SCAI: variants seen among roughly 807,000 people sequenced by gnomAD.
The protein encoded by SCAI is suppressor of cancer cell invasion.
A neutral mutation model predicts 92.2 loss-of-function variants in SCAI; 24 were observed. The ratio of observed to expected loss-of-function variants is 0.26; its 90% confidence interval spans 0.19 to 0.37. The LOEUF is 0.37. Ranked by LOEUF, SCAI falls within the 10% of genes least tolerant of loss-of-function variation. SCAI has a pLI of 1.00. For synonymous variants in SCAI, 261 were observed against 258.6 expected (o/e 1.01, Z -0.09); for missense variants, 450 against 736.2 (o/e 0.61, Z 4.50).
At position 124,972,612 on chromosome 9, in the gene SCAI, T is replaced by C. The variant is rs140086202; in HGVS notation, c.1400-768A>G. Among the ~76,000 whole-genome samples, 693 of 152,362 alleles carry C rather than the reference T, an allele frequency of 4.5e-3. 5 individuals are homozygous for C. The highest frequency in any genetic ancestry group is 0.016 in the African/African-American group (664 of 41,588). The stretch of plus-strand genomic sequence containing the variant: ...TTTAAGTACTGCTGCTCTAGGCTAC[T>C]CTATTCAACCTAATTCTCAAAGGCA... On this transcript the variant is annotated intron_variant, in intron 15 of 17. Coordinates refer to ENST00000336505, the MANE Select transcript of SCAI (RefSeq NM_001144877.3).
intron 2 of SCAI, among the ~76,000 whole-genome samples, chr9:125,061,575 A>G (rs1833769540): frequency 6.6e-6 from 1 of 152,186 alleles, no homozygotes; most frequent in Admixed American, 6.5e-5. Flanking sequence ...CCTGGGCAAC[A>G]CAGTGAAACG....
chr9:125,143,053 C>T (rs1378478744), intron 1 of SCAI, among the ~76,000 whole-genome samples: 2 of 150,310 alleles, frequency 1.3e-5, no homozygotes, highest in Non-Finnish European at 3.0e-5. Flanking sequence ...CCGTGCACTG[C>T]CCCCTCCACG....
rs537971214 is a variant in SCAI, at chr9:124,989,972, C to T, written c.1326+4962G>A. 1.9e-4 allele frequency among the ~76,000 whole-genome samples: 27 copies of T among 145,552 alleles called. No individual in the cohort carries two copies. The East Asian group carries it at 4.7e-3, about 26-fold the overall frequency. On this transcript the variant is annotated intron_variant, in intron 14 of 17. Transcript: ENST00000336505. ...GGTGAATCATCTGAGCTCAGGAGTT[C>T]GAGACCAGCCTGACCAACATGGAGA...
At chr9:125,035,473 G>A (rs1303858445) in intron 3 of SCAI, among the ~76,000 whole-genome samples, 1 of 152,184 alleles carries the variant, frequency 6.6e-6, no homozygotes, top group African/African-American at 2.4e-5. Context: ...TCAATATGGT[G>A]TATGGATGGG....
chr9:125,142,828 T>C (rs1835700266), intron 1 of SCAI, 151 bp from the exon 2 acceptor site: 1 of 663,156 alleles, frequency 1.5e-6, no homozygotes, highest in Non-Finnish European at 2.7e-6. Context: ...CCTCATGCCC[T>C]GTTTCCCCTA....
chr9:125,080,227 A>G (rs543974562), intron 2 of SCAI, among the ~76,000 whole-genome samples: 2 of 152,160 alleles, frequency 1.3e-5, no homozygotes, highest in Non-Finnish European at 2.9e-5. Flanking sequence ...TGTCACCAGA[A>G]TTTAGAGATG....
At chr9:125,013,215 C>T (rs1331931950) in intron 9 of SCAI, among the ~76,000 whole-genome samples, 1 of 151,426 alleles carries the variant, frequency 6.6e-6, no homozygotes, top group African/African-American at 2.4e-5. Context: ...CACAAAAAAC[C>T]CTTCAAAAAA....
intron 6 of SCAI, among the ~76,000 whole-genome samples, chr9:125,026,514 G>T (rs957882063): frequency 4.6e-5 from 7 of 152,172 alleles, no homozygotes; most frequent in Non-Finnish European, 1.0e-4. Flanking sequence ...AATGTTATTA[G>T]CTAAGCCTTG....
rs1280623763 is a variant in SCAI at position 125,091,290 on chromosome 9, C to G, written c.99-35283G>C. Among the ~76,000 whole-genome samples, 1 of 152,204 alleles carries G rather than the reference C, an allele frequency of 6.6e-6. No individual in the cohort carries two copies. Among genetic ancestry groups the G allele is most frequent in the East Asian group, 1.9e-4 (1 of 5,192 alleles). ...TATTTTCTGAACCAGATTCTCCAGT[C>G]TTTCCATCCATGCTGTGAGGTACTT... On this transcript the variant is annotated intron_variant, in intron 2 of 17. Coordinates refer to ENST00000336505, the MANE Select transcript of SCAI (RefSeq NM_001144877.3). The surrounding 1 kb of genome is among the most constrained non-coding windows in gnomAD (Gnocchi z 4.3).
intron 13 of SCAI, among the ~76,000 whole-genome samples, chr9:124,998,608 AT>A (rs1456890504): frequency 3.9e-5 from 6 of 152,142 alleles, no homozygotes; most frequent in African/African-American, 1.4e-4. Flanking sequence ...ATAGTTAATA[AT>A]ATGTTATATA....
chr9:125,033,461 T>TTTA lies in SCAI; in HGVS notation c.231-3723_231-3722insTAA, dbSNP rs1181533189. On this transcript the variant is annotated intron_variant, in intron 3 of 17. Coordinates refer to ENST00000336505, the MANE Select transcript of SCAI (RefSeq NM_001144877.3). Reference sequence around the variant, plus strand: ...TTATGGGAACTAGTAGAAAATAAGGTATAACAACAACAACAACAACAACAA... The same window carrying TTTA: ...TTATGGGAACTAGTAGAAAATAAGGTTTAATAACAACAACAACAACAACAACAA... Among the ~76,000 whole-genome samples the TTTA allele has an allele frequency of 6.6e-5, 10 of 150,500 alleles. No individual in the cohort carries two copies. In the East Asian group the frequency reaches 9.9e-4, roughly 15 times the overall value.
chr9:125,058,451 G>A (rs1002162378), intron 2 of SCAI, among the ~76,000 whole-genome samples: 1 of 152,152 alleles, frequency 6.6e-6, no homozygotes, highest in Non-Finnish European at 1.5e-5. Context: ...GGAGGCGGAG[G>A]TTGAGGTGAG....
At chr9:124,970,215 G>A (rs924239571) in intron 17 of SCAI, among the ~76,000 whole-genome samples, 2 of 152,124 alleles carry the variant, frequency 1.3e-5, no homozygotes, top group Non-Finnish European at 2.9e-5. Context: ...AGAAGAATAA[G>A]TGATTTGCAA....
At chr9:124,969,178 G>A (rs1831602266) in intron 17 of SCAI, among the ~76,000 whole-genome samples, 1 of 152,088 alleles carries the variant, frequency 6.6e-6, no homozygotes, top group African/African-American at 2.4e-5. Context: ...TTCCTAGCCT[G>A]AAGTGATGCT....
At chr9:125,128,554 C>T (rs1377179019) in intron 2 of SCAI, among the ~76,000 whole-genome samples, 2 of 150,372 alleles carry the variant, frequency 1.3e-5, no homozygotes, top group Non-Finnish European at 3.0e-5. Context: ...GAGATCGAGA[C>T]CATCCTGGCT....
intron 9 of SCAI, 53 bp from the exon 10 acceptor site, chr9:125,003,623 T>C: frequency 9.2e-7 from 1 of 1,084,374 alleles, no homozygotes; most frequent in Non-Finnish European, 1.4e-6. Flanking sequence ...ACACGCAGAC[T>C]TTAAAGACTT....
Position 125,119,147 on chromosome 9 carries a change from A to G in SCAI, c.98+23486T>C, listed in dbSNP as rs188635322. On this transcript the variant is annotated intron_variant, in intron 2 of 17. Coordinates refer to ENST00000336505, the MANE Select transcript of SCAI (RefSeq NM_001144877.3). ...ATGACAAGACCAAGATCCCATCTCT[A>G]TTGTTGGCGGGGGATGGGGGAGCAG... Among the ~76,000 whole-genome samples the G allele has an allele frequency of 1.5e-3, 231 of 152,258 alleles. 1 individual carries two copies. The highest frequency in any genetic ancestry group is 2.7e-3 in the Non-Finnish European group (181 of 68,010).
intron 2 of SCAI, among the ~76,000 whole-genome samples, chr9:125,069,539 C>A (rs900093270): frequency 3.3e-5 from 5 of 149,684 alleles, no homozygotes; most frequent in African/African-American, 1.2e-4. Flanking sequence ...AGGATGGTCT[C>A]GATCTCCTGA....
At chr9:124,964,480 GTAA>G (rs1396623092) in intron 17 of SCAI, among the ~76,000 whole-genome samples, 3 of 152,270 alleles carry the variant, frequency 2.0e-5, no homozygotes, top group Admixed American at 1.3e-4. Flanking sequence ...GCCTTTTTCT[GTAA>G]TAATGATGGC....
Sources: gnomAD v4.1 joint callset for allele counts (sites outside exome capture counted in the v4.1 genomes callset) on GRCh38, gnomAD v4.1.1 for gene constraint, Gnocchi (gnomAD v3.1) non-coding constraint, MANE v1.5 for transcripts, NCBI Gene and HGNC (gene_info 2026-07-23, HGNC 2026-07-21) for gene names.